The following CRYL1 variants were observed in gnomAD, a reference collection of about 807,000 sequenced individuals.
CRYL1 encodes the protein crystallin lambda 1.
In CRYL1, 29 loss-of-function variants were observed where a neutral mutation model predicts 36.6. That is an observed-to-expected ratio of 0.79 (90% CI 0.59 to 1.08). The LOEUF (loss-of-function observed/expected upper bound fraction) is 1.08. CRYL1 is among the 50% of genes least tolerant of loss of function. The pLI is 0.00. For missense variants in CRYL1, 411 were observed against 407.9 expected, an observed-to-expected ratio of 1.01 and a Z score of -0.06; for synonymous variants, 152 against 151.5, an observed-to-expected ratio of 1.00 and a Z score of -0.02.
chr13:20,489,538 C>G (rs751405379), intron 2 of CRYL1, 42 bp from the exon 3 acceptor site: 5 of 1,605,956 alleles, frequency 3.1e-6, no homozygotes, highest in Non-Finnish European at 2.5e-6. Flanking sequence ...TATTCAACAC[C>G]ACATTTAAAA....
At chr13:20,496,366 T>G (rs961512543) in intron 2 of CRYL1, among the ~76,000 whole-genome samples, 7 of 152,288 alleles carry the variant, frequency 4.6e-5, no homozygotes, top group African/African-American at 1.7e-4. Flanking sequence ...ATTATACACG[T>G]TAAAATGGCA....
chr13:20,423,583 G>C (rs1033216663), intron 5 of CRYL1, among the ~76,000 whole-genome samples: 1 of 152,178 alleles, frequency 6.6e-6, no homozygotes, highest in South Asian at 2.1e-4. Context: ...CTATGGTAAA[G>C]TATCTCTGCA....
At position 20,428,995 on chromosome 13, in the gene CRYL1, G is replaced by C. The variant is rs779034902; in HGVS notation, c.633+3107C>G. On this transcript the variant is annotated intron_variant, in intron 5 of 7. Transcript: ENST00000298248. ...AACTTCAACTTGCTTTATGAGCCCAGAGGATCCTGAAACAGAAGCGCCCAC... is the reference window on the plus strand; with the variant it reads ...AACTTCAACTTGCTTTATGAGCCCACAGGATCCTGAAACAGAAGCGCCCAC... Among the ~76,000 whole-genome samples the C allele has an allele frequency of 1.4e-4, 21 of 152,294 alleles. 1 individual carries two copies. Among genetic ancestry groups the C allele is most frequent in the South Asian group, 1.0e-3 (5 of 4,824 alleles).
intron 5 of CRYL1, among the ~76,000 whole-genome samples, chr13:20,420,703 G>GTGTGTGTTT (rs2031784308): frequency 2.6e-5 from 1 of 38,746 alleles, no homozygotes; most frequent in Non-Finnish European, 5.2e-5. Flanking sequence ...AATAGAGGTT[G>GTGTGTGTTT]TGTGTGTGTG....
At chr13:20,448,209 A>C (rs891088028) in intron 3 of CRYL1, among the ~76,000 whole-genome samples, 4 of 152,220 alleles carry the variant, frequency 2.6e-5, no homozygotes, top group African/African-American at 7.2e-5. Context: ...AGAATCTTTG[A>C]ACTTAAAGGC....
intron 4 of CRYL1, among the ~76,000 whole-genome samples, chr13:20,432,746 G>A (rs9552178): frequency 0.54 from 81,937 of 151,880 alleles, 22,618 homozygotes; most frequent in Middle Eastern, 0.66. Flanking sequence ...AGCTGGGTGC[G>A]GTGGCTCACA....
Position 20,432,252 on chromosome 13 carries a change from G to T in CRYL1, c.483C>A (p.His161Gln), listed in dbSNP as rs1265160124. 6.2e-7 allele frequency: 1 copy of T among 1,613,698 alleles called. No individual in the cohort carries two copies. Among genetic ancestry groups the T allele is most frequent in the South Asian group, 1.1e-5 (1 of 91,058 alleles). Residue 161 changes from histidine to glutamine, a missense_variant, in exon 5 of 8, where the codon CAC (histidine) becomes CAA (glutamine). By Grantham distance (24) the His-to-Gln change is conservative. Transcript: ENST00000298248. ...YYIPLVELVP[H>Q]PETAPTTVDR... The stretch of plus-strand genomic sequence containing the variant: ...CCACTGTCGTAGGGGCCGTCTCCGG[G>T]TGGGGGACCAGCTCAACCAGCGGGA...
chr13:20,434,317 G>A (rs1487458741), intron 4 of CRYL1, among the ~76,000 whole-genome samples: 5 of 152,236 alleles, frequency 3.3e-5, no homozygotes, highest in African/African-American at 1.2e-4. Context: ...CTTACAAGAG[G>A]ATTGTAAAAT....
intron 5 of CRYL1, among the ~76,000 whole-genome samples, chr13:20,416,019 C>T (rs938892854): frequency 3.9e-5 from 6 of 152,204 alleles, no homozygotes; most frequent in Non-Finnish European, 7.3e-5. Context: ...GCGCACAGGG[C>T]CCGGGCCGCG....
At chr13:20,504,630 C>T (rs1399238273) in intron 2 of CRYL1, among the ~76,000 whole-genome samples, 1 of 152,138 alleles carries the variant, frequency 6.6e-6, no homozygotes, top group Non-Finnish European at 1.5e-5. Context: ...TTACTTGAGA[C>T]CTAATGCAGG....
intron 1 of CRYL1, among the ~76,000 whole-genome samples, chr13:20,520,189 T>A (rs2034069306): frequency 6.6e-6 from 1 of 152,060 alleles, no homozygotes; most frequent in Admixed American, 6.6e-5. Context: ...AGAGAGAGAA[T>A]ATGGATAGGA....
At chr13:20,421,695 A>C (rs183785528) in intron 5 of CRYL1, among the ~76,000 whole-genome samples, 47 of 152,086 alleles carry the variant, frequency 3.1e-4, no homozygotes, top group Non-Finnish European at 5.3e-4. Context: ...CCCAACTTCA[A>C]ACTGAGGGAG....
At chr13:20,519,213 A>C (rs1238732160) in intron 1 of CRYL1, among the ~76,000 whole-genome samples, 3 of 152,138 alleles carry the variant, frequency 2.0e-5, no homozygotes, top group Non-Finnish European at 2.9e-5. Flanking sequence ...ATGGGGACAA[A>C]AGGGAGTGCC....
Position 20,425,330 on chromosome 13 carries a change from C to T in CRYL1, c.633+6772G>A, listed in dbSNP as rs1435303578. ...CCCAGTTCTGCTCCTCCTTGGAGTG[C>T]CCGCTTTGTGCTGATTCTCTTCCAG... On this transcript the variant is annotated intron_variant, in intron 5 of 7. Coordinates refer to ENST00000298248, the MANE Select transcript of CRYL1 (RefSeq NM_015974.3). This position sits in a 1 kb window ranked among gnomAD's most constrained non-coding sequence, Gnocchi z 4.4. Among the ~76,000 whole-genome samples, 1 of 152,206 alleles carries T rather than the reference C, an allele frequency of 6.6e-6. No homozygotes were observed. Among genetic ancestry groups the T allele is most frequent in the Non-Finnish European group, 1.5e-5 (1 of 68,026 alleles).
chr13:20,441,535 G>C (rs2032350841), intron 3 of CRYL1, among the ~76,000 whole-genome samples: 1 of 152,134 alleles, frequency 6.6e-6, no homozygotes, highest in Non-Finnish European at 1.5e-5. Context: ...CCATCTCATG[G>C]TCTCTAACCA....
intron 3 of CRYL1, among the ~76,000 whole-genome samples, chr13:20,462,487 C>A: frequency 6.8e-6 from 1 of 146,872 alleles, no homozygotes; most frequent in Middle Eastern, 3.4e-3. Flanking sequence ...TTCTTGGCAG[C>A]CCCCATTATC....
intron 5 of CRYL1, chr13:20,418,682 T>C (rs2031729225): frequency 6.6e-6 from 1 of 152,230 alleles, no homozygotes; most frequent in African/African-American, 2.4e-5. Flanking sequence ...CTTTTGATCT[T>C]CTATTTTGTT....
chr13:20,505,381 A>AAAAATAT (rs1292225610), intron 2 of CRYL1, among the ~76,000 whole-genome samples: 1 of 138,840 alleles, frequency 7.2e-6, no homozygotes, highest in African/African-American at 2.7e-5. Context: ...AAAAAAAAAA[A>AAAAATAT]ATCAGAATAT....
At chr13:20,424,850 C>T (rs1024868201) in intron 5 of CRYL1, among the ~76,000 whole-genome samples, 6 of 152,164 alleles carry the variant, frequency 3.9e-5, no homozygotes, top group Non-Finnish European at 7.3e-5. Context: ...ATCAGCGATT[C>T]ACTCAGATGC....
Sources: allele counts gnomAD v4.1 joint callset (sites outside exome capture counted in the v4.1 genomes callset), GRCh38; gene constraint gnomAD v4.1.1; non-coding constraint Gnocchi (gnomAD v3.1); transcripts MANE v1.5; gene names NCBI Gene and HGNC (gene_info 2026-07-23, HGNC 2026-07-21).